The following RTEL1 variants were observed in gnomAD, a reference collection of about 807,000 sequenced individuals.
The protein encoded by RTEL1 is regulator of telomere length.
RTEL1 carries 86 observed loss-of-function variants against 162.2 expected under a neutral mutation model. The observed-to-expected ratio is 0.53, with a 90% CI of 0.45 to 0.63. RTEL1 has a LOEUF of 0.63. RTEL1 is among the 30% of genes least tolerant of loss of function. The probability of loss-of-function intolerance (pLI) is 0.00; values close to 1 mark genes in which losing one functional copy is unlikely to be tolerated. For missense variants in RTEL1, 1,941 were observed against 1,750.2 expected, an observed-to-expected ratio of 1.11 and a Z score of -1.95; for synonymous variants, 958 against 717.9, an observed-to-expected ratio of 1.33 and a Z score of -5.35.
At chr20:63,674,233 T>C (rs1380874438) in intron 10 of RTEL1, 140 bp downstream of exon 10, 2 of 1,401,906 alleles carry the variant, frequency 1.4e-6, no homozygotes, top group South Asian at 3.0e-5. Context: ...GCTACTGCAG[T>C]GGGCAGCCTG....
At chr20:63,675,842 TCTC>T (rs1372979824) in intron 10 of RTEL1, among the ~76,000 whole-genome samples, 1 of 151,954 alleles carries the variant, frequency 6.6e-6, no homozygotes, top group Non-Finnish European at 1.5e-5. Context: ...GAGTGACAGG[TCTC>T]CTTCCCTCAT....
At chr20:63,671,592 C>T (rs1176922997) in intron 8 of RTEL1, among the ~76,000 whole-genome samples, 1 of 151,942 alleles carries the variant, frequency 6.6e-6, no homozygotes, top group Non-Finnish European at 1.5e-5. Context: ...CGCCATTCTC[C>T]TGCCTCAGCC....
At position 63,660,419 on chromosome 20, in the gene RTEL1, G is replaced by A. The variant is rs2089995867; in HGVS notation, c.103-879G>A. On this transcript the variant is annotated intron_variant, in intron 2 of 34. Coordinates refer to ENST00000360203, the MANE Select transcript of RTEL1 (RefSeq NM_001283009.2). ...TCGTGCCCCTGGTTTATCGAGACTG[G>A]AGAATGGCGATGACTTTTACCAAGC... Among the ~76,000 whole-genome samples, 3 of 152,218 alleles carry A rather than the reference G, an allele frequency of 2.0e-5. No individual in the cohort carries two copies. The South Asian group carries it at 6.2e-4, about 32-fold the overall frequency.
Position 63,695,879 on chromosome 20 carries a change from C to T in RTEL1, c.*21C>T, listed in dbSNP as rs73319713. The T allele has an allele frequency of 7.7e-4, 1,208 of 1,561,620 alleles. 12 individuals are homozygous for T. In the African/African-American group the frequency reaches 0.014, roughly 18 times the overall value. The stretch of plus-strand genomic sequence containing the variant: ...AGTGAGTGCCCACGGAGGCCCCCAG[C>T]ACACCCAACGTGGCTTGATCACCTG... On this transcript the variant is annotated 3_prime_UTR_variant, in exon 35 of 35. Coordinates refer to ENST00000360203, the MANE Select transcript of RTEL1 (RefSeq NM_001283009.2).
At chr20:63,677,590 G>C (rs1434951626) in intron 10 of RTEL1, among the ~76,000 whole-genome samples, 1 of 152,236 alleles carries the variant, frequency 6.6e-6, no homozygotes, top group African/African-American at 2.4e-5. Context: ...CCCTGCCTGG[G>C]TGACAGAGTG....
At chr20:63,681,370 A>C in intron 14 of RTEL1, 1 of 985,160 alleles carries the variant, frequency 1.0e-6, no homozygotes, top group Non-Finnish European at 1.2e-6. Context: ...TGGCTTTTTT[A>C]GAAGCAGACT....
intron 8 of RTEL1, among the ~76,000 whole-genome samples, chr20:63,671,742 C>T (rs917451433): frequency 6.0e-5 from 9 of 151,038 alleles, no homozygotes; most frequent in African/African-American, 1.9e-4. Flanking sequence ...CCGCCTGCCT[C>T]GGCCTCCGAA....
rs371883201 is a variant in RTEL1 at position 63,695,334 on chromosome 20, C to T, written c.3506C>T (p.Ser1169Leu). The change falls in exon 34 of 35, where the codon TCA (serine) becomes TTA (leucine). Residue 1169 changes from serine (S) to leucine (L), a missense_variant. Coordinates refer to ENST00000360203, the MANE Select transcript of RTEL1 (RefSeq NM_001283009.2). ...LTHRAPQPGP[S>L]RSEKTGKTQS... ...CTCAAGTCTCTGTCTCCAGGCCCCTCACGGTCCGAGAAGACCGGGAAGACC... is the reference window on the plus strand; with the variant it reads ...CTCAAGTCTCTGTCTCCAGGCCCCTTACGGTCCGAGAAGACCGGGAAGACC... 3.6e-5 allele frequency: 56 copies of T among 1,559,652 alleles called. No individual in the cohort carries two copies. The African/African-American group carries it at 7.1e-4, about 20-fold the overall frequency.
rs774642602 is a variant in RTEL1, at chr20:63,689,809, C to T, written c.2085C>T (p.Ile695=). The T allele has an allele frequency of 4.2e-5, 68 of 1,611,892 alleles. No individual in the cohort carries two copies. Among genetic ancestry groups the T allele is most frequent in the South Asian group, 2.3e-4 (21 of 91,078 alleles). Residue 695 remains isoleucine, a synonymous_variant, in exon 24 of 35, where the codon ATC becomes ATT. Coordinates refer to ENST00000360203, the MANE Select transcript of RTEL1 (RefSeq NM_001283009.2). Reference sequence around the variant, plus strand: ...CGTCCAGGGCTGTGAACCAGGCCATCGGGCGAGTGATCCGGCACCGCCAGG... The same window carrying T: ...CGTCCAGGGCTGTGAACCAGGCCATTGGGCGAGTGATCCGGCACCGCCAGG... ...QQASRAVNQA[I]GRVIRHRQDY...
intron 8 of RTEL1, among the ~76,000 whole-genome samples, chr20:63,669,477 GA>G (rs1274239142): frequency 6.6e-6 from 1 of 152,140 alleles, no homozygotes; most frequent in African/African-American, 2.4e-5. Flanking sequence ...TTGAGAAAAT[GA>G]AAAAGCAGTT....
intron 14 of RTEL1, chr20:63,681,928 C>G: frequency 1.0e-6 from 1 of 985,408 alleles, no homozygotes; most frequent in Non-Finnish European, 1.2e-6. Flanking sequence ...GCTGTGCTGT[C>G]CCGCATGGAG....
At chr20:63,679,059 C>T (rs2090429943) in intron 12 of RTEL1, among the ~76,000 whole-genome samples, 2 of 152,188 alleles carry the variant, frequency 1.3e-5, no homozygotes, top group African/African-American at 4.8e-5. Flanking sequence ...CGATGAGTGT[C>T]CCAGCCACCA....
chr20:63,681,596 G>A, intron 14 of RTEL1: 2 of 985,394 alleles, frequency 2.0e-6, no homozygotes, highest in South Asian at 9.4e-5. Context: ...ATGCATGGCT[G>A]GCCTGTGCAT....
At chr20:63,694,608 C>A in intron 31 of RTEL1, 120 bp downstream of exon 31, 1 of 1,210,788 alleles carries the variant, frequency 8.3e-7, no homozygotes, top group Non-Finnish European at 1.2e-6. Context: ...ATGGTGGGGA[C>A]TGCTCCCGGT....
In RTEL1 at chr20:63,695,172, G is replaced by C; in HGVS notation, c.3450G>C (p.Glu1150Asp). ...GCATGGAGCCACCGGGACCCCAGGA[G>C]GAGAGGCTTGCCGTGCCTCCTGTGC... ...YPGMEPPGPQ[E>D]ERLAVPPVLT... The change falls in exon 33 of 35, where the codon GAG (glutamate) becomes GAC (aspartate). Residue 1150 changes from glutamate to aspartate, a missense_variant. Transcript: ENST00000360203. 2 of 1,612,352 alleles carry C rather than the reference G, an allele frequency of 1.2e-6. No individual in the cohort carries two copies. The highest frequency in any genetic ancestry group is 3.3e-5 in the Admixed American group (2 of 60,018).
chr20:63,673,728 C>T (rs745522275), intron 9 of RTEL1, among the ~76,000 whole-genome samples: 18 of 152,164 alleles, frequency 1.2e-4, no homozygotes, highest in Admixed American at 4.6e-4. Context: ...TGTGAGCCAC[C>T]GCGCCCGGCC....
At chr20:63,666,454 A>G (rs2090129173) in intron 7 of RTEL1, among the ~76,000 whole-genome samples, 1 of 152,248 alleles carries the variant, frequency 6.6e-6, no homozygotes. Flanking sequence ...TTTTGAGGAC[A>G]GCAGATGTCT....
intron 13 of RTEL1, 129 bp downstream of exon 13, chr20:63,680,075 C>T (rs767332811): frequency 1.2e-5 from 8 of 650,798 alleles, no homozygotes; most frequent in Middle Eastern, 3.5e-4. Context: ...CACAGAACCT[C>T]ATCTTCTGAT....
At chr20:63,674,970 C>T (rs566896493) in intron 10 of RTEL1, among the ~76,000 whole-genome samples, 46 of 151,618 alleles carry the variant, frequency 3.0e-4, no homozygotes, top group Non-Finnish European at 4.1e-4. Flanking sequence ...TGCAATGGCG[C>T]GATCTTGGCT....
Sources: allele counts gnomAD v4.1 joint callset (sites outside exome capture counted in the v4.1 genomes callset), GRCh38; gene constraint gnomAD v4.1.1; transcripts MANE v1.5; gene names NCBI Gene and HGNC (gene_info 2026-07-23, HGNC 2026-07-21).